TUSC3: variants seen among roughly 807,000 people sequenced by gnomAD.
The protein encoded by TUSC3 is tumor suppressor candidate 3.
Under a neutral mutation model 44.8 loss-of-function variants are expected in TUSC3, and 45 were observed. That is an observed-to-expected ratio of 1.00 (90% CI 0.79 to 1.29). The LOEUF (loss-of-function observed/expected upper bound fraction) is 1.29. TUSC3 is among the 50% of genes most tolerant of loss of function. The pLI is 0.00. For synonymous variants in TUSC3, 212 were observed against 152.9 expected (o/e 1.39, Z -2.85); for missense variants, 519 against 437.9 (o/e 1.19, Z -1.65).
chr8:15,667,703 G>A (rs1475650459), intron 5 of TUSC3, among the ~76,000 whole-genome samples: 1 of 151,664 alleles, frequency 6.6e-6, no homozygotes, highest in Non-Finnish European at 1.5e-5. Flanking sequence ...TGTATCAACT[G>A]CATAGTGGAA....
chr8:15,448,931 A>AT (rs941630572), intron 1 of TUSC3, among the ~76,000 whole-genome samples: 1 of 151,932 alleles, frequency 6.6e-6, no homozygotes. Context: ...CTTTTACTTT[A>AT]TTTTTTTTAA....
intron 1 of TUSC3, among the ~76,000 whole-genome samples, chr8:15,589,827 C>A (rs1328068958): frequency 6.6e-6 from 1 of 152,106 alleles, no homozygotes; most frequent in Non-Finnish European, 1.5e-5. Context: ...TGAGCCAAGC[C>A]ATGAACAAAA....
intron 1 of TUSC3, among the ~76,000 whole-genome samples, chr8:15,587,326 C>G (rs1238986220): frequency 6.6e-6 from 1 of 152,058 alleles, no homozygotes; most frequent in African/African-American, 2.4e-5. Flanking sequence ...CAGAAATGTA[C>G]CTTTTGCACT....
At position 15,752,361 on chromosome 8, in the gene TUSC3, G is replaced by GTACTACTCAATAC. The variant is rs1811743670; in HGVS notation, c.1028+3897_1028+3898insACTACTCAATACT. Among the ~76,000 whole-genome samples the GTACTACTCAATAC allele has an allele frequency of 2.1e-5, 3 of 143,776 alleles. No individual in the cohort carries two copies. The East Asian group carries it at 8.0e-4, about 38-fold the overall frequency. 94.3% of individuals were successfully genotyped at this position (143,776 alleles called of 152,430 possible). A position where few individuals can be genotyped will look rare whatever the true frequency, so the allele number is the denominator to read the frequency against. ...CAGCCTTAATATGTACTACTCAATAGTGAACGTTTCTGGTTTAAAATACAT... is the reference window on the plus strand; with the variant it reads ...CAGCCTTAATATGTACTACTCAATAGTACTACTCAATACTGAACGTTTCTGGTTTAAAATACAT... On this transcript the variant is annotated intron_variant, in intron 9 of 10. Transcript: ENST00000503731.
rs143714516 is a variant in TUSC3, at chr8:15,744,927, A to G, written c.937+1315A>G. On this transcript the variant is annotated intron_variant, in intron 8 of 10. Transcript: ENST00000503731. ...TAATGAGCTTAGTACCAAACAGGTGATTTTTCAACCTACACGCTCCTCACT... is the reference window on the plus strand; with the variant it reads ...TAATGAGCTTAGTACCAAACAGGTGGTTTTTCAACCTACACGCTCCTCACT... Among the ~76,000 whole-genome samples the G allele has an allele frequency of 2.5e-3, 380 of 151,886 alleles. 1 individual carries two copies. The highest frequency in any genetic ancestry group is 8.8e-3 in the African/African-American group (363 of 41,446).
intron 5 of TUSC3, 110 bp from the exon 6 acceptor site, chr8:15,673,637 C>G (rs989976109): frequency 3.3e-6 from 3 of 919,982 alleles, no homozygotes; most frequent in African/African-American, 3.3e-5. Flanking sequence ...AATGTGTGAG[C>G]TGATACATGA....
At position 15,743,085 on chromosome 8, in the gene TUSC3, C is replaced by T. The variant is rs376998983; in HGVS notation, c.863-453C>T. ...CCCCAGATTTTCAAGTGACATGATA[C>T]CGGACCTTCATAAAGATTTCAACTA... On this transcript the variant is annotated intron_variant, in intron 7 of 10. Transcript: ENST00000503731. Among the ~76,000 whole-genome samples the T allele has an allele frequency of 3.3e-5, 5 of 152,130 alleles. No homozygotes were observed. In the East Asian group the frequency reaches 7.7e-4, roughly 23 times the overall value.
intron 1 of TUSC3, among the ~76,000 whole-genome samples, chr8:15,619,428 T>C (rs150514678): frequency 1.3e-5 from 2 of 152,264 alleles, no homozygotes; most frequent in Admixed American, 6.5e-5. Context: ...AAGAAAACAA[T>C]TTAGAAGTGA....
chr8:15,785,901 T>C, the TUSC3 span, among the ~76,000 whole-genome samples: 1 of 152,082 alleles, frequency 6.6e-6, no homozygotes, highest in Non-Finnish European at 1.5e-5. Context: ...CATGGTCCAA[T>C]TGCTTGTTTG....
intron 1 of TUSC3, among the ~76,000 whole-genome samples, chr8:15,573,074 A>G (rs1404602769): frequency 6.6e-6 from 1 of 151,746 alleles, no homozygotes; most frequent in Non-Finnish European, 1.5e-5. Flanking sequence ...TTCAATTTGT[A>G]AAAAATGCCT....
chr8:15,743,809 C>T (rs1018716478), intron 8 of TUSC3, among the ~76,000 whole-genome samples, 197 bp downstream of exon 8: 5 of 152,098 alleles, frequency 3.3e-5, no homozygotes, highest in African/African-American at 1.2e-4. Flanking sequence ...GGGACTGGGT[C>T]GTTTTCTGTT....
In TUSC3 at chr8:15,764,872, A is replaced by C. The variant is rs1272739994; in HGVS notation, c.*716A>C. On this transcript the variant is annotated 3_prime_UTR_variant, in exon 11 of 11. Transcript: ENST00000503731. ...ACCACAACTAGGAGTTATTTCTCAAACTTAAATGTCCTCTGGGAATCCAGA... is the reference window on the plus strand; with the variant it reads ...ACCACAACTAGGAGTTATTTCTCAACCTTAAATGTCCTCTGGGAATCCAGA... 8 of 152,034 alleles carry C rather than the reference A, an allele frequency of 5.3e-5. No homozygotes were observed. The highest frequency in any genetic ancestry group is 1.5e-5 in the Non-Finnish European group (1 of 67,970). The allele number at this position is 152,034 out of a possible 1,614,324, so 9.4% of individuals were successfully genotyped here.
At chr8:15,586,218 G>A (rs915488497) in intron 1 of TUSC3, among the ~76,000 whole-genome samples, 1 of 152,012 alleles carries the variant, frequency 6.6e-6, no homozygotes, top group Admixed American at 6.6e-5. Context: ...TGACTGTGAA[G>A]GACTGAATGT....
At chr8:15,692,416 G>C (rs1348834861) in intron 6 of TUSC3, among the ~76,000 whole-genome samples, 2 of 121,906 alleles carry the variant, frequency 1.6e-5, no homozygotes, top group Admixed American at 2.2e-4. Flanking sequence ...GTTTCAGTGG[G>C]AATGGTACCA....
the TUSC3 span, among the ~76,000 whole-genome samples, chr8:15,783,695 C>A: frequency 5.9e-5 from 9 of 152,222 alleles, no homozygotes; most frequent in Non-Finnish European, 1.3e-4. Context: ...TATTTCATTC[C>A]TTATGCAAAA....
intron 1 of TUSC3, among the ~76,000 whole-genome samples, chr8:15,581,702 G>A (rs1234194972): frequency 4.1e-4 from 59 of 143,296 alleles, no homozygotes; most frequent in Middle Eastern, 7.1e-3. Context: ...CGTGCTGGGA[G>A]AACCACTGCT....
rs991545723 is a variant in TUSC3, at chr8:15,765,442, C to T, written c.*1286C>T. ...GGAGAATTGTTTTCATTGGGAGTTC[C>T]AGCTATATAGCCTCAAACAAGAAAC... On this transcript the variant is annotated 3_prime_UTR_variant, in exon 11 of 11. Coordinates refer to ENST00000503731, the MANE Select transcript of TUSC3 (RefSeq NM_006765.4). 6.6e-6 allele frequency: 1 copy of T among 151,844 alleles called. No homozygotes were observed. Among genetic ancestry groups the T allele is most frequent in the Non-Finnish European group, 1.5e-5 (1 of 67,892 alleles). The allele number at this position is 151,844 out of a possible 1,614,324, so 9.4% of individuals were successfully genotyped here.
intron 6 of TUSC3, among the ~76,000 whole-genome samples, chr8:15,728,166 A>C (rs1810576160): frequency 6.6e-6 from 1 of 152,172 alleles, no homozygotes; most frequent in African/African-American, 2.4e-5. Context: ...TGTTTTTCTC[A>C]CACATCTGAG....
At chr8:15,536,384 GA>G (rs1801521630), upstream of TUSC3, among the ~76,000 whole-genome samples, 1 of 152,022 alleles carries the variant, frequency 6.6e-6, no homozygotes, top group African/African-American at 2.4e-5. Context: ...ACTTTACCAA[GA>G]AAAGAATGCA....
Sources: gnomAD v4.1 joint callset for allele counts (sites outside exome capture counted in the v4.1 genomes callset) on GRCh38, gnomAD v4.1.1 for gene constraint, MANE v1.5 for transcripts, NCBI Gene and HGNC (gene_info 2026-07-23, HGNC 2026-07-21) for gene names.